HECW2: variants seen among roughly 807,000 people sequenced by gnomAD.
HECW2 encodes HECT, C2 and WW domain containing E3 ubiquitin protein ligase 2.
In HECW2, 61 loss-of-function variants were observed where a neutral mutation model predicts 175.2. That is an observed-to-expected ratio of 0.35 (90% CI 0.28 to 0.43). The LOEUF (loss-of-function observed/expected upper bound fraction) is 0.43, where lower values mean the gene tolerates loss of function less well. Among genes scored for constraint, HECW2 ranks in the 20% least tolerant of loss-of-function variants. HECW2 has a pLI of 1.00. For missense variants in HECW2, 1,524 were observed against 2,000.5 expected, an observed-to-expected ratio of 0.76 and a Z score of 4.54; for synonymous variants, 671 against 731.0, an observed-to-expected ratio of 0.92 and a Z score of 1.32.
At chr2:196,491,055 T>G (rs376978545) in intron 1 of HECW2, among the ~76,000 whole-genome samples, 217 of 152,260 alleles carry the variant, frequency 1.4e-3, no homozygotes, top group South Asian at 4.2e-3. Flanking sequence ...TCAGAGAATT[T>G]ACTAAAAACT....
chr2:196,222,465 G>T, intron 23 of HECW2, 125 bp from the exon 24 acceptor site: 2 of 822,846 alleles, frequency 2.4e-6, no homozygotes, highest in Non-Finnish European at 1.8e-6. Flanking sequence ...AGTGATTTCT[G>T]GAATGTTCTT....
intron 19 of HECW2, among the ~76,000 whole-genome samples, chr2:196,243,314 T>C (rs1296591600): frequency 6.6e-6 from 1 of 151,828 alleles, no homozygotes; most frequent in African/African-American, 2.4e-5. Context: ...ATTGCAGGCA[T>C]GTGCCACCAC....
At chr2:196,533,215 T>G (rs543964934) in intron 1 of HECW2, among the ~76,000 whole-genome samples, 1 of 152,350 alleles carries the variant, frequency 6.6e-6, no homozygotes, top group Non-Finnish European at 1.5e-5. Context: ...TAAATTATAA[T>G]GTTATGAAAA....
chr2:196,309,782 C>T (rs1394584111), intron 10 of HECW2, among the ~76,000 whole-genome samples: 1 of 151,972 alleles, frequency 6.6e-6, no homozygotes, highest in Admixed American at 6.6e-5. Context: ...AAATAGAGAC[C>T]AACTAGACCA....
intron 2 of HECW2, among the ~76,000 whole-genome samples, chr2:196,409,406 C>T (rs1695049011): frequency 6.6e-6 from 1 of 152,122 alleles, no homozygotes; most frequent in East Asian, 1.9e-4. Context: ...GATTCTCTGT[C>T]CAGGTCATAC....
intron 1 of HECW2, among the ~76,000 whole-genome samples, chr2:196,524,794 A>T (rs1276748142): frequency 8.4e-6 from 1 of 118,976 alleles, no homozygotes; most frequent in Non-Finnish European, 1.6e-5. Flanking sequence ...GCTTTGAGTG[A>T]GATTCTTAAT....
At chr2:196,421,535 C>G (rs1285908785) in intron 2 of HECW2, among the ~76,000 whole-genome samples, 1 of 152,042 alleles carries the variant, frequency 6.6e-6, no homozygotes, top group Non-Finnish European at 1.5e-5. Context: ...GTATAAAAAG[C>G]TAATTATAAC....
At chr2:196,461,006 C>G (rs1350244570) in intron 1 of HECW2, among the ~76,000 whole-genome samples, 3 of 151,920 alleles carry the variant, frequency 2.0e-5, no homozygotes, top group Admixed American at 1.3e-4. Context: ...AGATAAAATG[C>G]CTGAATTAAT....
At chr2:196,459,946 G>A (rs191652348) in intron 1 of HECW2, among the ~76,000 whole-genome samples, 8 of 152,220 alleles carry the variant, frequency 5.3e-5, no homozygotes, top group African/African-American at 1.7e-4. Context: ...AAATACACAT[G>A]ACTCCTCCTA....
intron 2 of HECW2, among the ~76,000 whole-genome samples, chr2:196,368,376 T>C (rs1489922586): frequency 3.3e-5 from 5 of 152,240 alleles, no homozygotes; most frequent in African/African-American, 9.6e-5. Flanking sequence ...TTGTACGTTG[T>C]TTCTTTTCTC....
At chr2:196,265,341 C>G (rs894881920) in intron 17 of HECW2, among the ~76,000 whole-genome samples, 1 of 152,052 alleles carries the variant, frequency 6.6e-6, no homozygotes, top group African/African-American at 2.4e-5. Context: ...AAAAATTAGC[C>G]GGGCATGGTA....
intron 1 of HECW2, among the ~76,000 whole-genome samples, chr2:196,504,232 G>A (rs1419845846): frequency 6.8e-6 from 1 of 147,338 alleles, no homozygotes; most frequent in Admixed American, 7.0e-5. Context: ...GGAGGCAGAT[G>A]TTGCAGTGAG....
At chr2:196,208,866 A>T (rs1463295356) in intron 28 of HECW2, among the ~76,000 whole-genome samples, 3 of 152,200 alleles carry the variant, frequency 2.0e-5, no homozygotes, top group African/African-American at 7.2e-5. Context: ...ATTTTATTCT[A>T]AGCCACCAGA....
intron 2 of HECW2, among the ~76,000 whole-genome samples, chr2:196,383,503 A>G (rs933635202): frequency 1.3e-5 from 2 of 152,222 alleles, no homozygotes; most frequent in African/African-American, 4.8e-5. Context: ...AGAGAGAGCA[A>G]AGGACAAAAC....
chr2:196,446,081 C>T (rs944965714), intron 1 of HECW2, among the ~76,000 whole-genome samples: 19 of 152,162 alleles, frequency 1.2e-4, no homozygotes, highest in African/African-American at 3.1e-4. Flanking sequence ...GTCTAGAAAG[C>T]CCCACATGAT....
chr2:196,280,377 T>C (rs1690141001), intron 14 of HECW2, among the ~76,000 whole-genome samples: 1 of 152,224 alleles, frequency 6.6e-6, no homozygotes, highest in Non-Finnish European at 1.5e-5. Flanking sequence ...TTTCCCATTA[T>C]GGAACAGAAT....
chr2:196,321,200 A>G (rs1167958162), intron 7 of HECW2, among the ~76,000 whole-genome samples: 5 of 152,162 alleles, frequency 3.3e-5, no homozygotes, highest in Admixed American at 6.5e-5. Context: ...GTGGGGTCAT[A>G]TCCCAGATCT....
At position 196,197,349 on chromosome 2, in the gene HECW2, T is replaced by TA. The variant is rs1224357084; in HGVS notation, c.*3927dup. The TA allele has an allele frequency of 1.3e-5, 2 of 150,614 alleles. No individual in the cohort carries two copies. Among genetic ancestry groups the TA allele is most frequent in the African/African-American group, 4.9e-5 (2 of 40,804 alleles). 9.3% of individuals were successfully genotyped at this position (150,614 alleles called of 1,614,324 possible). A position where few individuals can be genotyped will look rare whatever the true frequency, so the allele number is the denominator to read the frequency against. On this transcript the variant is annotated 3_prime_UTR_variant, in exon 29 of 29. Transcript: ENST00000644978. ...TCACTGGAACTCAGCTATTAGGGCT[T>TA]ACTAGATCCATCCCTATTAAAAATT...
At chr2:196,225,194 A>G (rs1344355129) in intron 23 of HECW2, among the ~76,000 whole-genome samples, 16 of 152,268 alleles carry the variant, frequency 1.1e-4, no homozygotes, top group Non-Finnish European at 1.5e-5. Flanking sequence ...TTAACAATGA[A>G]GAAAAAGTTC....
Sources: allele counts gnomAD v4.1 joint callset (sites outside exome capture counted in the v4.1 genomes callset), GRCh38; gene constraint gnomAD v4.1.1; transcripts MANE v1.5; gene names NCBI Gene and HGNC (gene_info 2026-07-23, HGNC 2026-07-21).